Variants in SH2D7 observed in about 807,000 individuals in gnomAD.
SH2D7 encodes SH2 domain-containing protein 7.
In SH2D7, 32 loss-of-function variants were observed where a neutral mutation model predicts 40.8. The ratio of observed to expected loss-of-function variants is 0.78; its 90% CI spans 0.59 to 1.05. SH2D7 has a LOEUF of 1.05. Ranked by LOEUF, SH2D7 falls within the 50% of genes least tolerant of loss-of-function variation. SH2D7 has a pLI of 0.00. For missense variants in SH2D7, 559 were observed against 566.6 expected (o/e 0.99, Z 0.14); for synonymous variants, 195 against 221.5 (o/e 0.88, Z 1.06).
Position 78,101,086 on chromosome 15 carries a change from G to A in SH2D7, c.833G>A (p.Arg278Lys). 1.3e-6 allele frequency: 2 copies of A among 1,590,632 alleles called. No homozygotes were observed. The highest frequency in any genetic ancestry group is 1.7e-6 in the Non-Finnish European group (2 of 1,170,270). ...GGCAGCCAGGCCTACTCCCCAGGCA[G>A]GGAGGCCCAAAGGAGACTCTCAGAT... ...PAGSQAYSPG[R>K]EAQRRLSDGE... Residue 278 changes from arginine (R) to lysine (K), a missense_variant, in exon 5 of 6, where the codon AGG becomes AAG. Arg to Lys is a conservative substitution (Grantham distance 26). Transcript: ENST00000328828.
At position 78,098,673 on chromosome 15, in the gene SH2D7, T is replaced by C. The variant is rs2073992085; in HGVS notation, c.645+77T>C. 4 of 1,491,410 alleles carry C rather than the reference T, an allele frequency of 2.7e-6. No homozygotes were observed. In the African/African-American group the frequency reaches 4.2e-5, roughly 16 times the overall value. 92.4% of individuals were successfully genotyped at this position (1,491,410 alleles called of 1,614,324 possible). A position where few individuals can be genotyped will look rare whatever the true frequency, so the allele number is the denominator to read the frequency against. ...GGGTGCCATGCTCCCAGTCAGACCC[T>C]GAGGCCAGGCCAGCCACTCCCTCCG... is the stretch of plus-strand genomic sequence containing the variant. On this transcript the variant is annotated intron_variant, in intron 4 of 5. Coordinates refer to ENST00000328828, the MANE Select transcript of SH2D7 (RefSeq NM_001101404.2).
At chr15:78,090,747 C>T (rs972376469), upstream of SH2D7, among the ~76,000 whole-genome samples, 2 of 152,056 alleles carry the variant, frequency 1.3e-5, no homozygotes, top group Non-Finnish European at 1.5e-5. Flanking sequence ...AACAGCAGGA[C>T]AAGTTAGATC....
chr15:78,099,207 G>A (rs2073996232), intron 4 of SH2D7, among the ~76,000 whole-genome samples: 1 of 152,072 alleles, frequency 6.6e-6, no homozygotes, highest in Non-Finnish European at 1.5e-5. Context: ...GGTAGTAACA[G>A]GGTTTCAACA....
At chr15:78,094,077 C>A in intron 1 of SH2D7, 35 bp from the exon 2 acceptor site, 1 of 1,570,616 alleles carries the variant, frequency 6.4e-7, no homozygotes. Flanking sequence ...GCCATTAGGG[C>A]ACAGACCCCA....
chr15:78,103,435 C>T lies in SH2D7; in HGVS notation c.1306-30C>T, dbSNP rs1251171754. The T allele has an allele frequency of 2.6e-6, 4 of 1,552,622 alleles. No individual in the cohort carries two copies. The South Asian group carries it at 3.6e-5, about 14-fold the overall frequency. ...TCTTTCCCTCCCTGTCCAGCGACCCCAGGCCCCAGTATCTCCTCCTTCCTT... is the reference window on the plus strand; with the variant it reads ...TCTTTCCCTCCCTGTCCAGCGACCCTAGGCCCCAGTATCTCCTCCTTCCTT... On this transcript the variant is annotated intron_variant, in intron 5 of 5. Transcript: ENST00000328828.
In SH2D7 at chr15:78,098,458, T is replaced by C. The variant is rs1166602389; in HGVS notation, c.507T>C (p.Pro169=). ...CCATCGTGGACCCAGAAAACCCACC[T>C]GCCACGGCATTCCTCACAGTGGTCC... ...HQTIVDPENP[P]ATAFLTVVPD... The change falls in exon 4 of 6, where the codon CCT becomes CCC. Residue 169 remains proline (P), a synonymous_variant. Coordinates refer to ENST00000328828, the MANE Select transcript of SH2D7 (RefSeq NM_001101404.2). 6.2e-7 allele frequency: 1 copy of C among 1,614,014 alleles called. No individual in the cohort carries two copies. The highest frequency in any genetic ancestry group is 1.7e-5 in the Admixed American group (1 of 60,034).
chr15:78,095,977 G>A (rs1266433252), intron 2 of SH2D7, among the ~76,000 whole-genome samples: 1 of 152,160 alleles, frequency 6.6e-6, no homozygotes, highest in East Asian at 1.9e-4. Context: ...CAACTAGCTG[G>A]GACTACAGGC....
At chr15:78,100,849 T>G (rs1359166222) in intron 4 of SH2D7, 50 bp from the exon 5 acceptor site, 3 of 1,582,876 alleles carry the variant, frequency 1.9e-6, no homozygotes, top group Non-Finnish European at 2.6e-6. Context: ...CTGGAGGGCA[T>G]CTTAGTGATG....
chr15:78,094,291 C>A, intron 2 of SH2D7, 90 bp downstream of exon 2: 1 of 1,237,982 alleles, frequency 8.1e-7, no homozygotes, highest in Non-Finnish European at 1.1e-6. Context: ...GCCCAAATTG[C>A]CTAGATTTCC....
chr15:78,102,396 C>A (rs1014735341), intron 5 of SH2D7, among the ~76,000 whole-genome samples: 1 of 152,222 alleles, frequency 6.6e-6, no homozygotes, highest in Non-Finnish European at 1.5e-5. Flanking sequence ...ACCTCCATTT[C>A]CTCATCTGTA....
intron 1 of SH2D7, among the ~76,000 whole-genome samples, chr15:78,093,207 G>C (rs893777363): frequency 1.3e-5 from 2 of 152,170 alleles, no homozygotes; most frequent in Non-Finnish European, 2.9e-5. Flanking sequence ...ATTTGGGCTG[G>C]GTCTCCAAGC....
intron 2 of SH2D7, among the ~76,000 whole-genome samples, chr15:78,097,598 T>C (rs1000734207): frequency 6.6e-6 from 1 of 152,198 alleles, no homozygotes; most frequent in African/African-American, 2.4e-5. Flanking sequence ...GTTTTCTTTA[T>C]TGAGTTTTTT....
At chr15:78,096,123 G>T (rs1050606987) in intron 2 of SH2D7, among the ~76,000 whole-genome samples, 2 of 151,970 alleles carry the variant, frequency 1.3e-5, no homozygotes, top group Non-Finnish European at 1.5e-5. Context: ...GATTACAGGC[G>T]TGAGCCACTG....
In SH2D7 at chr15:78,092,710, T is replaced by C. The variant is rs749965740; in HGVS notation, c.126T>C (p.Ile42=). The C allele has an allele frequency of 1.7e-5, 27 of 1,603,566 alleles. No homozygotes were observed. In the African/African-American group the frequency reaches 3.6e-4, roughly 21 times the overall value. ...KWFMETQAPF[I]LQNGALPPWF... ...TCATGGAGACACAGGCCCCCTTCATTCTGCAGAACGGTGCCCTGCCTCCCT... is the reference window on the plus strand; with the variant it reads ...TCATGGAGACACAGGCCCCCTTCATCCTGCAGAACGGTGCCCTGCCTCCCT... The change falls in exon 1 of 6, where the codon ATT becomes ATC. Residue 42 remains isoleucine (I), a synonymous_variant. Transcript: ENST00000328828.
rs1388819401 is a variant in SH2D7 at position 78,097,958 on chromosome 15, T to C, written c.296T>C (p.Ile99Thr). The C allele has an allele frequency of 1.9e-6, 3 of 1,611,302 alleles. No individual in the cohort carries two copies. The East Asian group carries it at 6.7e-5, about 36-fold the overall frequency. The change falls in exon 3 of 6, where the codon ATC (isoleucine) becomes ACC (threonine). Residue 99 changes from isoleucine (I) to threonine (T), a missense_variant. Coordinates refer to ENST00000328828, the MANE Select transcript of SH2D7 (RefSeq NM_001101404.2). The part of the protein sequence containing the change: ...RGSDRCRHFV[I>T]NQLRNRRYII... ...AGTGATCGCTGCCGACATTTTGTCATCAACCAGCTTCGAAACCGGCGTTAC... is the reference window on the plus strand; with the variant it reads ...AGTGATCGCTGCCGACATTTTGTCACCAACCAGCTTCGAAACCGGCGTTAC...
chr15:78,091,845 A>G (rs1293298517), upstream of SH2D7, among the ~76,000 whole-genome samples: 1 of 152,202 alleles, frequency 6.6e-6, no homozygotes, highest in Non-Finnish European at 1.5e-5. Context: ...CCCTAGGTAC[A>G]TGCTTGGCTT....
At chr15:78,094,348 C>A in intron 2 of SH2D7, 147 bp downstream of exon 2, 1 of 703,688 alleles carries the variant, frequency 1.4e-6, no homozygotes. Context: ...ACATGCTCAG[C>A]AGACACTTCC....
chr15:78,102,006 C>G (rs2074020947), intron 5 of SH2D7, among the ~76,000 whole-genome samples: 1 of 152,148 alleles, frequency 6.6e-6, no homozygotes, highest in Non-Finnish European at 1.5e-5. Flanking sequence ...AATCCTAGCC[C>G]TTTGGGAGGC....
At position 78,092,780 on chromosome 15, in the gene SH2D7, C is replaced by A. The variant is rs901350195; in HGVS notation, c.176+20C>A. Reference sequence around the variant, plus strand: ...CCGCAAGTAAGGCTGCTTCTACCCACAGGTCCCTCATAGCCCACAGCCCCT... The same window carrying A: ...CCGCAAGTAAGGCTGCTTCTACCCAAAGGTCCCTCATAGCCCACAGCCCCT... On this transcript the variant is annotated intron_variant, in intron 1 of 5. Coordinates refer to ENST00000328828, the MANE Select transcript of SH2D7 (RefSeq NM_001101404.2). 6 of 1,598,584 alleles carry A rather than the reference C, an allele frequency of 3.8e-6. No homozygotes were observed. The highest frequency in any genetic ancestry group is 5.1e-6 in the Non-Finnish European group (6 of 1,170,476).
Sources: gnomAD v4.1 joint callset for allele counts (sites outside exome capture counted in the v4.1 genomes callset) on GRCh38, gnomAD v4.1.1 for gene constraint, MANE v1.5 for transcripts, NCBI Gene and HGNC (gene_info 2026-07-23, HGNC 2026-07-21) for gene names.